The following TMEM232 variants were observed in gnomAD, a reference collection of about 807,000 sequenced individuals.
TMEM232 encodes the protein transmembrane protein 232.
Under a neutral mutation model 78.8 loss-of-function variants are expected in TMEM232, and 80 were observed. The ratio of observed to expected loss-of-function variants is 1.01; its 90% CI spans 0.85 to 1.22. TMEM232 has a LOEUF of 1.22. Among genes scored for constraint, TMEM232 ranks in the 50% most tolerant of loss-of-function variants. TMEM232 has a pLI of 0.00. For missense variants in TMEM232, 881 were observed against 742.2 expected (o/e 1.19, Z -2.17); for synonymous variants, 297 against 254.3 (o/e 1.17, Z -1.60).
At chr5:110,679,748 A>G (rs1362971079) in intron 1 of TMEM232, among the ~76,000 whole-genome samples, 2 of 56,490 alleles carry the variant, frequency 3.5e-5, no homozygotes, top group Admixed American at 3.9e-4. Flanking sequence ...ATGTATTTTC[A>G]CTCATTAATA....
chr5:110,405,731 TAAA>T (rs36094551), intron 2 of TMEM232, among the ~76,000 whole-genome samples: 1 of 135,698 alleles, frequency 7.4e-6, no homozygotes. Flanking sequence ...GGACACAGTT[TAAA>T]AAAAAAAAAA....
At chr5:110,635,988 C>G (rs542233833) in intron 5 of TMEM232, among the ~76,000 whole-genome samples, 1 of 151,648 alleles carries the variant, frequency 6.6e-6, no homozygotes, top group Non-Finnish European at 1.5e-5. Context: ...GCACTCTTCA[C>G]AATAGTAAAG....
At position 110,661,034 on chromosome 5, in the gene TMEM232, C is replaced by T. The variant is rs141220627; in HGVS notation, c.125+6194G>A. Among the ~76,000 whole-genome samples, 41 of 152,268 alleles carry T rather than the reference C, an allele frequency of 2.7e-4. No individual in the cohort carries two copies. The East Asian group carries it at 5.4e-3, about 20-fold the overall frequency. The stretch of plus-strand genomic sequence containing the variant: ...CTGGTAACCATCATTCTACTCTCTA[C>T]CTTTATGAGATCAATTTATTTTAGC... On this transcript the variant is annotated intron_variant, in intron 2 of 13. Coordinates refer to ENST00000455884, the MANE Select transcript of TMEM232 (RefSeq NM_001039763.4).
intron 5 of TMEM232, among the ~76,000 whole-genome samples, chr5:110,637,679 T>C (rs147103586): frequency 1.5e-4 from 23 of 152,114 alleles, no homozygotes; most frequent in African/African-American, 5.3e-4. Context: ...ACTAATAATA[T>C]ATTTTACAGC....
chr5:110,467,366 G>C (rs780116286), intron 12 of TMEM232, among the ~76,000 whole-genome samples: 1 of 152,204 alleles, frequency 6.6e-6, no homozygotes, highest in Non-Finnish European at 1.5e-5. Flanking sequence ...AATTAGGAGA[G>C]ATGGTGGTGT....
At chr5:110,554,705 A>G (rs940429063) in intron 11 of TMEM232, among the ~76,000 whole-genome samples, 3 of 152,098 alleles carry the variant, frequency 2.0e-5, no homozygotes, top group Non-Finnish European at 4.4e-5. Flanking sequence ...TTCCTCCTCA[A>G]TTTTTTGGAA....
At chr5:110,720,172 A>C (rs979817759) in intron 1 of TMEM232, among the ~76,000 whole-genome samples, 3 of 152,086 alleles carry the variant, frequency 2.0e-5, no homozygotes, top group East Asian at 3.9e-4. Flanking sequence ...CCAAGCCACT[A>C]TTCTAGGAGC....
chr5:110,534,842 C>T (rs1054302588), intron 11 of TMEM232, among the ~76,000 whole-genome samples: 3 of 151,522 alleles, frequency 2.0e-5, no homozygotes, highest in African/African-American at 7.3e-5. Flanking sequence ...CTCCTTATTC[C>T]GTTTTTCAAT....
At chr5:110,737,339 C>G (rs1220923025) in intron 1 of TMEM232, among the ~76,000 whole-genome samples, 1 of 152,166 alleles carries the variant, frequency 6.6e-6, no homozygotes, top group Middle Eastern at 3.4e-3. Flanking sequence ...TATGAGCAAG[C>G]ATGCCATAAA....
chr5:110,423,811 ATGTG>A (rs1185154875), intron 13 of TMEM232, among the ~76,000 whole-genome samples: 2 of 124,816 alleles, frequency 1.6e-5, no homozygotes, highest in Non-Finnish European at 3.2e-5. Context: ...GTGTGTGTGT[ATGTG>A]TATGTGTGTA....
intron 2 of TMEM232, among the ~76,000 whole-genome samples, chr5:110,733,397 T>C (rs1798862205): frequency 6.6e-6 from 1 of 152,164 alleles, no homozygotes; most frequent in Non-Finnish European, 1.5e-5. Context: ...TGCACAGGTA[T>C]GTTCATTGCA....
chr5:110,726,349 A>C (rs890827488), intron 1 of TMEM232, among the ~76,000 whole-genome samples: 4 of 152,000 alleles, frequency 2.6e-5, no homozygotes, highest in Non-Finnish European at 5.9e-5. Context: ...GAAAGTTCCC[A>C]CCTCCTTTAT....
At chr5:110,458,249 CTCTTTG>C (rs1761103853) in intron 12 of TMEM232, among the ~76,000 whole-genome samples, 1 of 151,652 alleles carries the variant, frequency 6.6e-6, no homozygotes, top group African/African-American at 2.4e-5. Context: ...GCGCAATTTT[CTCTTTG>C]TCTTTGTTTT....
At chr5:110,468,804 G>A (rs1415835460) in intron 12 of TMEM232, among the ~76,000 whole-genome samples, 1 of 152,078 alleles carries the variant, frequency 6.6e-6, no homozygotes, top group Non-Finnish European at 1.5e-5. Flanking sequence ...CTTAGTTCTT[G>A]TAACTACCAC....
At chr5:110,440,752 C>T (rs1758939211) in intron 12 of TMEM232, among the ~76,000 whole-genome samples, 1 of 152,104 alleles carries the variant, frequency 6.6e-6, no homozygotes, top group South Asian at 2.1e-4. Context: ...TTGAGGCAAC[C>T]TACGCACTAT....
intron 10 of TMEM232, among the ~76,000 whole-genome samples, chr5:110,602,833 C>T (rs1370145398): frequency 6.6e-6 from 1 of 152,154 alleles, no homozygotes; most frequent in East Asian, 1.9e-4. Context: ...ACTATAAACA[C>T]ATGCACACGT....
intron 12 of TMEM232, among the ~76,000 whole-genome samples, chr5:110,492,936 G>A (rs1765267603): frequency 1.3e-5 from 2 of 151,956 alleles, no homozygotes; most frequent in Non-Finnish European, 2.9e-5. Flanking sequence ...GGGTTGGTGA[G>A]AGAGAATGAG....
At chr5:110,605,592 T>A (rs886451317) in intron 9 of TMEM232, among the ~76,000 whole-genome samples, 14 of 152,166 alleles carry the variant, frequency 9.2e-5, no homozygotes, top group African/African-American at 3.1e-4. Flanking sequence ...TAGCAGTCAA[T>A]GGAATGTAAA....
chr5:110,533,742 G>A (rs1771901104), intron 11 of TMEM232, among the ~76,000 whole-genome samples: 1 of 151,962 alleles, frequency 6.6e-6, no homozygotes, highest in African/African-American at 2.4e-5. Flanking sequence ...GCATCTCTCT[G>A]ATCTCCTGAC....
Sources: allele counts gnomAD v4.1 joint callset (sites outside exome capture counted in the v4.1 genomes callset), GRCh38; gene constraint gnomAD v4.1.1; transcripts MANE v1.5; gene names NCBI Gene and HGNC (gene_info 2026-07-23, HGNC 2026-07-21).